Variants in LOC122526780 observed in about 807,000 individuals in gnomAD.
chr17:6,636,907 T>C, the LOC122526780 span: 1 of 152,314 alleles, frequency 6.6e-6, no homozygotes, highest in Non-Finnish European at 1.5e-5. Flanking sequence ...GTCTCTGAAA[T>C]GGCCAAGGCC....
the LOC122526780 span, chr17:6,638,438 C>T: frequency 0.69 from 106,211 of 153,032 alleles, 37,752 homozygotes; most frequent in African/African-American, 0.87. Flanking sequence ...ACCCCTGCTG[C>T]GGCACACCCC....
chr17:6,638,898 AC>A, the LOC122526780 span: 1 of 152,596 alleles, frequency 6.6e-6, no homozygotes, highest in East Asian at 2.0e-4. Context: ...GGCCTGGGGC[AC>A]CCCCAGAACC....
the LOC122526780 span, chr17:6,639,943 G>A: frequency 6.5e-6 from 1 of 152,848 alleles, no homozygotes; most frequent in Non-Finnish European, 1.5e-5. This position sits in a 1 kb window ranked among gnomAD's most constrained non-coding sequence, Gnocchi z 4.3. Flanking sequence ...CACCACCTCG[G>A]GCTCCCCCAC....
the LOC122526780 span, chr17:6,637,403 G>C: frequency 6.6e-6 from 1 of 152,364 alleles, no homozygotes; most frequent in Admixed American, 6.5e-5. Flanking sequence ...TCAGTGGCCA[G>C]TCTCCTTCCC....
chr17:6,640,274 G>A, the LOC122526780 span: 1 of 152,568 alleles, frequency 6.6e-6, no homozygotes, highest in Non-Finnish European at 1.5e-5. Flanking sequence ...TGCTCTCCCC[G>A]GCGCAGCCTG....
the LOC122526780 span, chr17:6,637,675 G>A: frequency 5.2e-5 from 8 of 152,568 alleles, no homozygotes; most frequent in East Asian, 5.8e-4. Context: ...AGTCTTCTCC[G>A]CCATGGGCCC....
chr17:6,638,390 G>A, the LOC122526780 span: 1 of 153,160 alleles, frequency 6.5e-6, no homozygotes, highest in Non-Finnish European at 1.5e-5. Flanking sequence ...ACTCTGGCAG[G>A]CACCTTTCCA....
At chr17:6,639,036 A>G in the LOC122526780 span, 1 of 152,170 alleles carries the variant, frequency 6.6e-6, no homozygotes, top group African/African-American at 2.4e-5. This position sits in a 1 kb window ranked among gnomAD's most constrained non-coding sequence, Gnocchi z 4.3. Flanking sequence ...GGTCACCTCC[A>G]CATCTAGTTT....
the LOC122526780 span, chr17:6,638,368 A>ACAGGACCAGACGCCCACT: frequency 2.0e-5 from 3 of 152,830 alleles, no homozygotes; most frequent in South Asian, 2.0e-4. Context: ...AGACGCCCAC[A>ACAGGACCAGACGCCCACT]CAGCAGCAGG....
the LOC122526780 span, chr17:6,637,362 A>T: frequency 6.6e-6 from 1 of 151,984 alleles, no homozygotes; most frequent in Admixed American, 6.6e-5. Flanking sequence ...CCCCCTCCAC[A>T]GGTCCAGGAA....
chr17:6,638,054 C>T, the LOC122526780 span: 5 of 152,618 alleles, frequency 3.3e-5, no homozygotes, highest in African/African-American at 1.2e-4. Context: ...CCCTCAGGCA[C>T]CACAGGAACC....
chr17:6,637,602 C>T, the LOC122526780 span: 1 of 153,054 alleles, frequency 6.5e-6, no homozygotes, highest in Non-Finnish European at 1.5e-5. Flanking sequence ...CCAGCAGCCC[C>T]ACAGCCATGG....
the LOC122526780 span, chr17:6,639,915 C>A: frequency 6.5e-6 from 1 of 153,880 alleles, no homozygotes; most frequent in Non-Finnish European, 1.4e-5. The surrounding 1 kb of genome is among the most constrained non-coding windows in gnomAD (Gnocchi z 4.3). Context: ...CGGTCACCCA[C>A]ACAGCCCCGG....
At chr17:6,637,856 C>G in the LOC122526780 span, 1 of 152,988 alleles carries the variant, frequency 6.5e-6, no homozygotes, top group East Asian at 1.9e-4. Flanking sequence ...CCCACAGTGC[C>G]AGGCATTCCT....
At chr17:6,636,837 C>G in the LOC122526780 span, 3 of 152,198 alleles carry the variant, frequency 2.0e-5, no homozygotes, top group African/African-American at 7.3e-5. Context: ...CCAAATTGCT[C>G]CCTCTCACTC....
At chr17:6,639,761 T>G in the LOC122526780 span, 1 of 152,634 alleles carries the variant, frequency 6.6e-6, no homozygotes, top group Non-Finnish European at 1.5e-5. The surrounding 1 kb of genome is among the most constrained non-coding windows in gnomAD (Gnocchi z 4.3). Flanking sequence ...TCGACTCTAC[T>G]TCCTTCCCCA....
the LOC122526780 span, chr17:6,640,097 G>C: frequency 1.3e-5 from 2 of 152,810 alleles, no homozygotes; most frequent in Admixed American, 6.5e-5. Flanking sequence ...TGACGGCCCT[G>C]TGGCCTTTCT....
chr17:6,639,389 T>C, the LOC122526780 span: 3 of 152,110 alleles, frequency 2.0e-5, no homozygotes, highest in Non-Finnish European at 2.9e-5. This position sits in a 1 kb window ranked among gnomAD's most constrained non-coding sequence, Gnocchi z 4.3. Context: ...GGCTCGCCCA[T>C]AGTCTGTTCT....
chr17:6,639,226 C>T, the LOC122526780 span: 3 of 152,442 alleles, frequency 2.0e-5, no homozygotes, highest in Non-Finnish European at 4.4e-5. This position sits in a 1 kb window ranked among gnomAD's most constrained non-coding sequence, Gnocchi z 4.3. Context: ...CCCCCATACG[C>T]CAGGGGTGGC....
Sources: allele counts gnomAD v4.1 joint callset, GRCh38; gene constraint gnomAD v4.1.1; non-coding constraint Gnocchi (gnomAD v3.1); transcripts MANE v1.5.